The following DGCR2 variants were observed in gnomAD, a reference collection of about 807,000 sequenced individuals.
DGCR2 encodes the protein integral membrane protein DGCR2/IDD.
DGCR2 carries 24 observed loss-of-function variants against 51.6 expected under a neutral mutation model. That is an observed-to-expected ratio of 0.47 (90% CI 0.34 to 0.65). DGCR2 has a LOEUF of 0.65. Ranked by LOEUF, DGCR2 falls within the 30% of genes least tolerant of loss-of-function variation. DGCR2 has a pLI of 0.01. For missense variants in DGCR2, 765 were observed against 772.1 expected (o/e 0.99, Z 0.11); for synonymous variants, 340 against 315.4 (o/e 1.08, Z -0.82).
At chr22:19,109,869 A>C in intron 1 of DGCR2, among the ~76,000 whole-genome samples, 1 of 152,258 alleles carries the variant, frequency 6.6e-6, no homozygotes, top group South Asian at 2.1e-4. Context: ...TCCTAAGGAT[A>C]ATATTACAAC....
intron 3 of DGCR2, among the ~76,000 whole-genome samples, chr22:19,067,738 G>C (rs562144280): frequency 6.6e-6 from 1 of 151,230 alleles, no homozygotes; most frequent in South Asian, 2.1e-4. Flanking sequence ...ATAAGGAGTC[G>C]AGCCTTCCCA....
intron 7 of DGCR2, among the ~76,000 whole-genome samples, chr22:19,043,288 C>A (rs1222977388): frequency 1.3e-5 from 2 of 152,222 alleles, no homozygotes; most frequent in Non-Finnish European, 2.9e-5. Flanking sequence ...GGACAGCCCC[C>A]AACACACAGT....
At chr22:19,045,846 C>A (rs1049047763) in intron 7 of DGCR2, among the ~76,000 whole-genome samples, 2 of 152,128 alleles carry the variant, frequency 1.3e-5, no homozygotes, top group Admixed American at 6.6e-5. Flanking sequence ...CCTGCCTCAG[C>A]CTCCTGAGTA....
intron 2 of DGCR2, among the ~76,000 whole-genome samples, chr22:19,070,633 C>T (rs2238754): frequency 0.068 from 10,303 of 152,266 alleles, 565 homozygotes; most frequent in East Asian, 0.25. Flanking sequence ...TCATCTGCCC[C>T]CTGGGGTGGG....
chr22:19,059,310 A>G (rs1284599513), intron 5 of DGCR2, among the ~76,000 whole-genome samples: 1 of 149,992 alleles, frequency 6.7e-6, no homozygotes, highest in African/African-American at 2.5e-5. Context: ...TGGGTGTTAG[A>G]TCCCGGTGGG....
At chr22:19,051,978 G>A (rs73157293) in intron 6 of DGCR2, among the ~76,000 whole-genome samples, 27,139 of 152,036 alleles carry the variant, frequency 0.18, 2,589 homozygotes, top group South Asian at 0.29. Flanking sequence ...TCACTCCTAC[G>A]TTGAATCACT....
At chr22:19,117,085 A>T (rs1350217943) in intron 1 of DGCR2, among the ~76,000 whole-genome samples, 1 of 151,904 alleles carries the variant, frequency 6.6e-6, no homozygotes, top group Admixed American at 6.6e-5. Context: ...CACACAGATC[A>T]CTCACCTCCC....
At chr22:19,074,831 C>T (rs1268796102) in intron 2 of DGCR2, among the ~76,000 whole-genome samples, 1 of 152,100 alleles carries the variant, frequency 6.6e-6, no homozygotes, top group African/African-American at 2.4e-5. Context: ...TCGGAGCTGC[C>T]GCTGAGGCAT....
Position 19,048,149 on chromosome 22 carries a change from C to G in DGCR2, c.1006+291G>C, listed in dbSNP as rs2082510444. Reference sequence around the variant, plus strand: ...CGTAAGTTTGAAGACAAGTTTGAAGCTGTCAGTGGTGACTTGTGAACAAAC... The same window carrying G: ...CGTAAGTTTGAAGACAAGTTTGAAGGTGTCAGTGGTGACTTGTGAACAAAC... On this transcript the variant is annotated intron_variant, in intron 7 of 9. Transcript: ENST00000263196. 3 of 484,938 alleles carry G rather than the reference C, an allele frequency of 6.2e-6. No homozygotes were observed. In the South Asian group the frequency reaches 7.0e-5, roughly 11 times the overall value. The allele number at this position is 484,938 out of a possible 1,614,324, so 30.0% of individuals were successfully genotyped here.
intron 2 of DGCR2, among the ~76,000 whole-genome samples, chr22:19,080,742 G>A (rs2082927015): frequency 1.3e-5 from 2 of 152,198 alleles, no homozygotes. Context: ...AGGCTGAGGT[G>A]GGAGGATCGC....
intron 1 of DGCR2, among the ~76,000 whole-genome samples, chr22:19,116,021 C>T (rs1159570443): frequency 6.6e-6 from 1 of 152,252 alleles, no homozygotes; most frequent in Admixed American, 6.5e-5. Flanking sequence ...TTTTAATCCT[C>T]ACAACATCTC....
At chr22:19,089,144 G>A (rs905422643) in intron 2 of DGCR2, among the ~76,000 whole-genome samples, 3 of 152,194 alleles carry the variant, frequency 2.0e-5, no homozygotes, top group East Asian at 1.9e-4. Context: ...GGCATCTCAC[G>A]GGCCTCCCCA....
intron 2 of DGCR2, among the ~76,000 whole-genome samples, chr22:19,077,957 T>G (rs1422754976): frequency 1.3e-5 from 2 of 152,058 alleles, no homozygotes; most frequent in Non-Finnish European, 2.9e-5. Flanking sequence ...GCCTCCTGAG[T>G]AGCTGGGACT....
chr22:19,057,216 GTGCAGTCC>G lies in DGCR2; in HGVS notation c.626-62_626-55del. On this transcript the variant is annotated intron_variant, in intron 5 of 9. Transcript: ENST00000263196. The surrounding 1 kb of genome is among the most constrained non-coding windows in gnomAD (Gnocchi z 5.1). The stretch of plus-strand genomic sequence containing the variant: ...ACAACATCACATCAGAGGACAAGCT[GTGCAGTCC>G]TCAAGGGGACCATGGCGTCAGACAG... 6.6e-7 allele frequency: 1 copy of G among 1,507,428 alleles called. No homozygotes were observed. Among genetic ancestry groups the G allele is most frequent in the Non-Finnish European group, 9.0e-7 (1 of 1,116,810 alleles). The allele number at this position is 1,507,428 out of a possible 1,614,324, so 93.4% of individuals were successfully genotyped here. A position where few individuals can be genotyped will look rare whatever the true frequency, so the allele number is the denominator to read the frequency against.
intron 6 of DGCR2, 111 bp downstream of exon 6, chr22:19,056,875 C>T (rs2082609308): frequency 7.3e-6 from 9 of 1,227,596 alleles, no homozygotes; most frequent in Non-Finnish European, 1.0e-5. Flanking sequence ...AAGGGGCGTC[C>T]ACCGCAACAC....
At chr22:19,040,428 G>A (rs1262689247) in intron 9 of DGCR2, among the ~76,000 whole-genome samples, 1 of 152,214 alleles carries the variant, frequency 6.6e-6, no homozygotes, top group East Asian at 1.9e-4. Context: ...TGTGTGTTAG[G>A]GGGCCTAATG....
At position 19,038,952 on chromosome 22, in the gene DGCR2, G is replaced by A. The variant is rs1293231573; in HGVS notation, c.1566C>T (p.Asp522=). ...DSSSALLVPP[D]PAQSGSTPAA... ...CTGGGGTGCTCCCGCTCTGGGCAGG[G>A]TCAGGGGGCACGAGCAGGGCGCTGC... The change falls in exon 10 of 10, where the codon GAC becomes GAT. Residue 522 remains aspartate, a synonymous_variant. Transcript: ENST00000263196. 3 of 1,612,312 alleles carry A rather than the reference G, an allele frequency of 1.9e-6. No individual in the cohort carries two copies. Among genetic ancestry groups the A allele is most frequent in the Non-Finnish European group, 2.5e-6 (3 of 1,179,718 alleles).
At chr22:19,081,251 T>C (rs928910) in intron 2 of DGCR2, among the ~76,000 whole-genome samples, 152,341 of 152,342 alleles carry the variant, frequency 1, 76,170 homozygotes, top group Non-Finnish European at 1. Context: ...AATCAAGCAT[T>C]ATTTTGCTTC....
intron 1 of DGCR2, among the ~76,000 whole-genome samples, chr22:19,108,113 C>A (rs537140762): frequency 1.1e-4 from 16 of 152,270 alleles, no homozygotes; most frequent in Non-Finnish European, 1.8e-4. Flanking sequence ...AAGGTGTCTG[C>A]CCCCACGAAG....
Sources: gnomAD v4.1 joint callset for allele counts (sites outside exome capture counted in the v4.1 genomes callset) on GRCh38, gnomAD v4.1.1 for gene constraint, Gnocchi (gnomAD v3.1) non-coding constraint, MANE v1.5 for transcripts, NCBI Gene and HGNC (gene_info 2026-07-23, HGNC 2026-07-21) for gene names.